Variants in GHR observed in about 807,000 individuals in gnomAD.
GHR encodes GH receptor.
Under a neutral mutation model 67.1 loss-of-function variants are expected in GHR, and 35 were observed. The observed-to-expected ratio is 0.52, with a 90% CI of 0.40 to 0.69. GHR has a LOEUF of 0.69. GHR is among the 30% of genes least tolerant of loss of function. GHR has a pLI of 0.00. For synonymous variants in GHR, 272 were observed against 269.1 expected (o/e 1.01, Z -0.10); for missense variants, 792 against 764.6 (o/e 1.04, Z -0.42).
At chr5:42,497,406 C>G (rs893035864) in intron 1 of GHR, among the ~76,000 whole-genome samples, 3 of 152,150 alleles carry the variant, frequency 2.0e-5, no homozygotes, top group Admixed American at 6.5e-5. Flanking sequence ...TGACTTTAAG[C>G]TCTCTGGCTG....
chr5:42,684,559 G>A (rs773728166), intron 3 of GHR, among the ~76,000 whole-genome samples: 9 of 152,106 alleles, frequency 5.9e-5, no homozygotes, highest in Non-Finnish European at 1.0e-4. Context: ...CTTGCCTAAC[G>A]AAATACACAT....
At chr5:42,651,813 C>T (rs1391780420) in intron 3 of GHR, among the ~76,000 whole-genome samples, 1 of 152,066 alleles carries the variant, frequency 6.6e-6, no homozygotes, top group African/African-American at 2.4e-5. Flanking sequence ...ATAGTATATT[C>T]ACCTCACTCT....
intron 1 of GHR, among the ~76,000 whole-genome samples, chr5:42,470,654 C>G (rs1313880665): frequency 6.6e-6 from 1 of 152,176 alleles, no homozygotes; most frequent in Non-Finnish European, 1.5e-5. Context: ...GAGCAAAATT[C>G]TAAACTTACA....
intron 1 of GHR, among the ~76,000 whole-genome samples, chr5:42,564,026 A>C (rs1201004036): frequency 1.3e-5 from 2 of 152,118 alleles, no homozygotes; most frequent in Non-Finnish European, 2.9e-5. Context: ...CCATCAGCTC[A>C]AGGCCTTCCA....
chr5:42,599,357 ATTTTT>A (rs36037535), intron 2 of GHR, among the ~76,000 whole-genome samples: 26 of 103,920 alleles, frequency 2.5e-4, no homozygotes, highest in African/African-American at 1.1e-3. Context: ...CCTACAGCAC[ATTTTT>A]TTTTTTTTTT....
intron 3 of GHR, among the ~76,000 whole-genome samples, chr5:42,656,161 A>C (rs1377451905): frequency 6.6e-6 from 1 of 152,080 alleles, no homozygotes; most frequent in East Asian, 1.9e-4. Flanking sequence ...GAACGGTAAC[A>C]CTCCCACTCT....
chr5:42,681,580 C>A (rs1047291289), intron 3 of GHR, among the ~76,000 whole-genome samples: 3 of 152,162 alleles, frequency 2.0e-5, no homozygotes, highest in African/African-American at 7.2e-5. Flanking sequence ...ACTAGAAATA[C>A]CATATGACCC....
At chr5:42,444,582 T>A (rs887497416) in intron 1 of GHR, among the ~76,000 whole-genome samples, 4 of 152,254 alleles carry the variant, frequency 2.6e-5, no homozygotes, top group African/African-American at 9.6e-5. Context: ...GCCTGGGGAC[T>A]GATTTTCAGA....
intron 2 of GHR, among the ~76,000 whole-genome samples, chr5:42,619,088 C>T (rs1447475549): frequency 6.6e-6 from 1 of 152,058 alleles, no homozygotes; most frequent in Non-Finnish European, 1.5e-5. Flanking sequence ...GGACCCATCC[C>T]CAAGACCTCC....
Position 42,629,099 on chromosome 5 carries a change from G to T in GHR, c.132G>T (p.Lys44Asn), listed in dbSNP as rs1167022629. The T allele has an allele frequency of 5.2e-6, 7 of 1,334,634 alleles. 2 individuals are homozygous for T. Among genetic ancestry groups the T allele is most frequent in the Non-Finnish European group, 6.3e-6 (6 of 955,954 alleles). The allele number at this position is 1,334,634 out of a possible 1,614,324, so 82.7% of individuals were successfully genotyped here. A position where few individuals can be genotyped will look rare whatever the true frequency, so the allele number is the denominator to read the frequency against. ...TGCAAAGTGTTAATCCAGGCCTAAA[G>T]ACAAGTAAGAATTTCAGTCCTTTTT... The part of the protein sequence containing the change: ...WSLQSVNPGL[K>N]TNSSKEPKFT... The change falls in exon 3 of 10, where the codon AAG (lysine) becomes AAT (asparagine). Residue 44 changes from lysine (K) to asparagine (N), a missense_variant. By Grantham distance (94) the Lys-to-Asn change is moderately conservative. Transcript: ENST00000230882.
At chr5:42,569,929 A>AT (rs1211662343) in intron 2 of GHR, among the ~76,000 whole-genome samples, 4 of 152,008 alleles carry the variant, frequency 2.6e-5, no homozygotes, top group Non-Finnish European at 4.4e-5. Flanking sequence ...CCCCAAAATA[A>AT]TTTTTTCTGT....
intron 1 of GHR, chr5:42,468,208 T>G: frequency 1.4e-6 from 2 of 1,444,886 alleles, no homozygotes. Context: ...GTTCTCAGAG[T>G]GCACTTGTTG....
At chr5:42,481,833 C>T (rs1336188422) in intron 1 of GHR, among the ~76,000 whole-genome samples, 1 of 152,078 alleles carries the variant, frequency 6.6e-6, no homozygotes, top group Non-Finnish European at 1.5e-5. Flanking sequence ...CTCAAACTTC[C>T]TCCTGTAGCT....
chr5:42,517,215 G>A (rs902598929), intron 1 of GHR, among the ~76,000 whole-genome samples: 1 of 152,202 alleles, frequency 6.6e-6, no homozygotes, highest in Non-Finnish European at 1.5e-5. Context: ...GGAGGGTTGA[G>A]AAAATAAATT....
intron 2 of GHR, among the ~76,000 whole-genome samples, chr5:42,577,158 A>G (rs1236883691): frequency 6.6e-6 from 1 of 152,256 alleles, no homozygotes; most frequent in African/African-American, 2.4e-5. Context: ...GTATGGAAGT[A>G]CATGGAAATG....
intron 1 of GHR, among the ~76,000 whole-genome samples, chr5:42,426,192 T>A (rs1167416547): frequency 1.3e-5 from 2 of 152,188 alleles, no homozygotes; most frequent in African/African-American, 2.4e-5. Flanking sequence ...GGACATAATG[T>A]TTATAGCATA....
At chr5:42,547,926 G>T (rs1197478499) in intron 1 of GHR, 1 of 193,476 alleles carries the variant, frequency 5.2e-6, no homozygotes, top group Non-Finnish European at 9.4e-6. Context: ...ACCACAAATG[G>T]TCACTTCTGC....
chr5:42,626,977 T>G (rs958629385), intron 2 of GHR, among the ~76,000 whole-genome samples: 2 of 152,194 alleles, frequency 1.3e-5, no homozygotes, highest in Non-Finnish European at 2.9e-5. Flanking sequence ...CCCACTCTAA[T>G]ACTTCAAGGT....
At chr5:42,432,608 T>C (rs183877916) in intron 1 of GHR, among the ~76,000 whole-genome samples, 1 of 152,342 alleles carries the variant, frequency 6.6e-6, no homozygotes, top group East Asian at 1.9e-4. Flanking sequence ...ACAAAGCATA[T>C]GTGAATGATA....
Sources: allele counts gnomAD v4.1 joint callset (sites outside exome capture counted in the v4.1 genomes callset), GRCh38; gene constraint gnomAD v4.1.1; transcripts MANE v1.5; gene names NCBI Gene and HGNC (gene_info 2026-07-23, HGNC 2026-07-21).